NEMP2: variants seen among roughly 807,000 people sequenced by gnomAD.
NEMP2 encodes the protein UPF0571 transmembrane protein.
Under a neutral mutation model 54.2 loss-of-function variants are expected in NEMP2, and 53 were observed. That is an observed-to-expected ratio of 0.98 (90% CI 0.78 to 1.23). The LOEUF (loss-of-function observed/expected upper bound fraction) is 1.23. Ranked by LOEUF, NEMP2 falls within the 50% of genes most tolerant of loss-of-function variation. NEMP2 has a pLI of 0.00. For missense variants in NEMP2, 455 were observed against 511.3 expected (o/e 0.89, Z 1.06); for synonymous variants, 197 against 190.3 (o/e 1.04, Z -0.29).
At chr2:190,536,604 C>T (rs764473078), upstream of NEMP2, among the ~76,000 whole-genome samples, 20 of 152,144 alleles carry the variant, frequency 1.3e-4, no homozygotes, top group Non-Finnish European at 2.2e-4. Flanking sequence ...CTTTTCCCCA[C>T]TACAAGCCAA....
chr2:190,450,316 A>T, the NEMP2 span, among the ~76,000 whole-genome samples: 1 of 152,082 alleles, frequency 6.6e-6, no homozygotes, highest in African/African-American at 2.4e-5. Flanking sequence ...TTTTCTCAGA[A>T]GCTTACTTCA....
chr2:190,453,364 A>C, the NEMP2 span, among the ~76,000 whole-genome samples: 4 of 152,120 alleles, frequency 2.6e-5, no homozygotes, highest in Non-Finnish European at 5.9e-5. Flanking sequence ...TGCCCATTGG[A>C]AAGTTGCATT....
the NEMP2 span, among the ~76,000 whole-genome samples, chr2:190,579,823 G>A: frequency 6.6e-6 from 1 of 152,212 alleles, no homozygotes; most frequent in African/African-American, 2.4e-5. Context: ...ATTTCTATGA[G>A]AGATCCAGTC....
At chr2:190,515,271 T>C (rs955644993) in intron 6 of NEMP2, among the ~76,000 whole-genome samples, 21 of 152,192 alleles carry the variant, frequency 1.4e-4, no homozygotes, top group African/African-American at 5.1e-4. Flanking sequence ...GAGAAGAATA[T>C]GTTAAATTCT....
chr2:190,523,382 T>G lies in NEMP2; in HGVS notation c.213+1881A>C, dbSNP rs533395292. On this transcript the variant is annotated intron_variant, in intron 2 of 8. Coordinates refer to ENST00000409150, the MANE Select transcript of NEMP2 (RefSeq NM_001142645.2). The surrounding 1 kb of genome is among the most constrained non-coding windows in gnomAD (Gnocchi z 5.3). ...TTCTGGGATTAGGCAAATAAATAAA[T>G]ATATTTGAGGATAATGGGAACTAAG... Among the ~76,000 whole-genome samples, 48 of 152,190 alleles carry G rather than the reference T, an allele frequency of 3.2e-4. No individual in the cohort carries two copies. The highest frequency in any genetic ancestry group is 6.2e-4 in the Non-Finnish European group (42 of 68,034).
At chr2:190,545,737 T>C in the NEMP2 span, among the ~76,000 whole-genome samples, 1 of 152,208 alleles carries the variant, frequency 6.6e-6, no homozygotes, top group East Asian at 1.9e-4. Context: ...GATATAACAG[T>C]GTCTCAGATT....
chr2:190,522,531 C>T lies in NEMP2; in HGVS notation c.213+2732G>A, dbSNP rs911358969. Among the ~76,000 whole-genome samples the T allele has an allele frequency of 6.6e-6, 1 of 152,140 alleles. No homozygotes were observed. Among genetic ancestry groups the T allele is most frequent in the African/African-American group, 2.4e-5 (1 of 41,434 alleles). Reference sequence around the variant, plus strand: ...AACTATCTGAATGAAACCCTGTTCTCGGCCAGGGCACTCCAAAGTTAACCT... The same window carrying T: ...AACTATCTGAATGAAACCCTGTTCTTGGCCAGGGCACTCCAAAGTTAACCT... On this transcript the variant is annotated intron_variant, in intron 2 of 8. Coordinates refer to ENST00000409150, the MANE Select transcript of NEMP2 (RefSeq NM_001142645.2). The surrounding 1 kb of genome is among the most constrained non-coding windows in gnomAD (Gnocchi z 5.0).
the NEMP2 span, among the ~76,000 whole-genome samples, chr2:190,421,494 G>GTTT: frequency 6.6e-6 from 1 of 152,170 alleles, no homozygotes; most frequent in Non-Finnish European, 1.5e-5. Context: ...ATGTTTACAA[G>GTTT]GTTACAAACC....
At chr2:190,446,706 C>T in the NEMP2 span, among the ~76,000 whole-genome samples, 2 of 152,300 alleles carry the variant, frequency 1.3e-5, no homozygotes, top group South Asian at 2.1e-4. Context: ...AGTAGCTAGA[C>T]ATTTATGGAT....
chr2:190,482,660 A>G, the NEMP2 span, among the ~76,000 whole-genome samples: 1 of 147,100 alleles, frequency 6.8e-6, no homozygotes, highest in Non-Finnish European at 1.5e-5. Context: ...CTGTCTCCTT[A>G]AGAAGAAAGG....
the NEMP2 span, among the ~76,000 whole-genome samples, chr2:190,642,753 G>C: frequency 1.3e-5 from 2 of 152,038 alleles, no homozygotes; most frequent in African/African-American, 4.8e-5. The surrounding 1 kb of genome is among the most constrained non-coding windows in gnomAD (Gnocchi z 4.1). Context: ...ATTGTTCTGA[G>C]GCAATAATAG....
the NEMP2 span, among the ~76,000 whole-genome samples, chr2:190,466,624 G>A: frequency 2.0e-5 from 3 of 152,186 alleles, no homozygotes; most frequent in East Asian, 3.8e-4. Flanking sequence ...GCAAGTCATT[G>A]TGTCGTCATT....
the NEMP2 span, among the ~76,000 whole-genome samples, chr2:190,471,980 G>C: frequency 6.6e-6 from 1 of 152,138 alleles, no homozygotes; most frequent in South Asian, 2.1e-4. The surrounding 1 kb of genome is among the most constrained non-coding windows in gnomAD (Gnocchi z 4.7). Flanking sequence ...AGGCAAACAG[G>C]GTCTGGAGTG....
chr2:190,596,447 T>C, the NEMP2 span, among the ~76,000 whole-genome samples: 4 of 152,166 alleles, frequency 2.6e-5, 1 homozygote, highest in Admixed American at 6.5e-5. This position sits in a 1 kb window ranked among gnomAD's most constrained non-coding sequence, Gnocchi z 5.1. Context: ...ATATTTTAGG[T>C]GGTGATTATA....
chr2:190,458,567 G>T, the NEMP2 span, among the ~76,000 whole-genome samples: 1 of 152,100 alleles, frequency 6.6e-6, no homozygotes, highest in Non-Finnish European at 1.5e-5. This position sits in a 1 kb window ranked among gnomAD's most constrained non-coding sequence, Gnocchi z 5.3. Context: ...AGTCCTGTAG[G>T]CCTAGCTTCA....
At chr2:190,626,178 C>T in the NEMP2 span, 5 of 152,038 alleles carry the variant, frequency 3.3e-5, no homozygotes, top group African/African-American at 1.2e-4. The surrounding 1 kb of genome is among the most constrained non-coding windows in gnomAD (Gnocchi z 4.5). Flanking sequence ...AGGACTCTGT[C>T]GTCATGACAT....
chr2:190,541,260 G>A, the NEMP2 span, among the ~76,000 whole-genome samples: 3 of 151,784 alleles, frequency 2.0e-5, no homozygotes, highest in Non-Finnish European at 4.4e-5. The surrounding 1 kb of genome is among the most constrained non-coding windows in gnomAD (Gnocchi z 5.2). Flanking sequence ...CTAATTTGGG[G>A]TTTGGTTTGT....
the NEMP2 span, among the ~76,000 whole-genome samples, chr2:190,460,317 C>T: frequency 5.1e-4 from 77 of 152,290 alleles, 4 homozygotes; most frequent in South Asian, 0.016. Context: ...AAATATATTT[C>T]TAGGCCTCTT....
At chr2:190,538,666 G>T (rs1304633296), upstream of NEMP2, among the ~76,000 whole-genome samples, 1 of 151,900 alleles carries the variant, frequency 6.6e-6, no homozygotes, top group Non-Finnish European at 1.5e-5. This position sits in a 1 kb window ranked among gnomAD's most constrained non-coding sequence, Gnocchi z 4.1. Flanking sequence ...AAACTGAAGT[G>T]AGATACCTCA....
Sources: allele counts gnomAD v4.1 joint callset (sites outside exome capture counted in the v4.1 genomes callset), GRCh38; gene constraint gnomAD v4.1.1; non-coding constraint Gnocchi (gnomAD v3.1); transcripts MANE v1.5; gene names NCBI Gene and HGNC (gene_info 2026-07-23, HGNC 2026-07-21).